AKNA: variants seen among roughly 807,000 people sequenced by gnomAD.
The protein encoded by AKNA is AT-hook transcription factor.
In AKNA, 67 loss-of-function variants were observed where a neutral mutation model predicts 138.8. That is an observed-to-expected ratio of 0.48 (90% CI 0.40 to 0.59). The LOEUF (loss-of-function observed/expected upper bound fraction) is 0.59, where lower values mean the gene tolerates loss of function less well. Ranked by LOEUF, AKNA falls within the 20% of genes least tolerant of loss-of-function variation. The pLI is 0.00. For missense variants in AKNA, 1,813 were observed against 1,880.4 expected, an observed-to-expected ratio of 0.96 and a Z score of 0.66; for synonymous variants, 737 against 754.4, an observed-to-expected ratio of 0.98 and a Z score of 0.38.
At chr9:114,343,910 C>T (rs3748179) in intron 18 of AKNA, 107 bp from the exon 19 acceptor site, 447,502 of 978,056 alleles carry the variant, frequency 0.46, 106,285 homozygotes, top group East Asian at 0.54. Flanking sequence ...TTTTAATAGT[C>T]TCTGTCTCTC....
intron 14 of AKNA, among the ~76,000 whole-genome samples, chr9:114,351,551 G>A (rs996775676): frequency 6.6e-6 from 1 of 151,932 alleles, no homozygotes; most frequent in Non-Finnish European, 1.5e-5. Flanking sequence ...GGTGGCTCAC[G>A]CCTGTAATCC....
chr9:114,340,157 T>TAG (rs1229158018), intron 21 of AKNA, among the ~76,000 whole-genome samples: 2 of 152,162 alleles, frequency 1.3e-5, no homozygotes, highest in African/African-American at 4.8e-5. Flanking sequence ...GGTCCCCGAA[T>TAG]AGAGGACCAG....
rs115679139 is a variant in AKNA at position 114,374,791 on chromosome 9, G to A, written c.1342-624C>T. ...AACTGACTCCTTCTGAAAACGGGTC[G>A]GTAACTAAGTAAGTACCATTATGGG... On this transcript the variant is annotated intron_variant, in intron 3 of 21. Transcript: ENST00000374088. Among the ~76,000 whole-genome samples the A allele has an allele frequency of 2.6e-3, 397 of 152,266 alleles. 1 individual carries two copies. Among genetic ancestry groups the A allele is most frequent in the African/African-American group, 7.0e-3 (289 of 41,544 alleles).
intron 2 of AKNA, among the ~76,000 whole-genome samples, chr9:114,380,507 CAG>C (rs1374740797): frequency 1.3e-5 from 2 of 152,172 alleles, no homozygotes; most frequent in African/African-American, 4.8e-5. Context: ...CAGTGGTTAT[CAG>C]GGGATGGAGT....
intron 14 of AKNA, among the ~76,000 whole-genome samples, chr9:114,352,664 G>A (rs986173551): frequency 4.9e-5 from 7 of 143,786 alleles, no homozygotes; most frequent in African/African-American, 1.0e-4. Context: ...GGCTCATGCC[G>A]GTAATCCCAG....
chr9:114,354,299 A>C (rs1238165061), intron 14 of AKNA, among the ~76,000 whole-genome samples: 1 of 152,158 alleles, frequency 6.6e-6, no homozygotes, highest in East Asian at 1.9e-4. Flanking sequence ...CAGGGTCATC[A>C]ATATCCCTGT....
Position 114,360,125 on chromosome 9 carries a change from T to G in AKNA, c.2125-63A>C, listed in dbSNP as rs1283779976. The G allele has an allele frequency of 1.9e-6, 3 of 1,605,384 alleles. No individual in the cohort carries two copies. The East Asian group carries it at 6.7e-5, about 36-fold the overall frequency. ...ATAGTTAAACACCACTTTTAAGCAC[T>G]TACCTCCTGCCAGGCTCGAGCTGTG... On this transcript the variant is annotated intron_variant, in intron 9 of 21. Coordinates refer to ENST00000374088, the MANE Select transcript of AKNA (RefSeq NM_001317950.2).
At chr9:114,341,948 A>C in intron 20 of AKNA, 61 bp downstream of exon 20, 1 of 1,494,124 alleles carries the variant, frequency 6.7e-7, no homozygotes, top group South Asian at 1.1e-5. Context: ...CCCAGGTCTA[A>C]TAACCCTGGT....
In AKNA at chr9:114,357,996, G is replaced by C; in HGVS notation, c.2664C>G (p.Thr888=). The C allele has an allele frequency of 6.2e-7, 1 of 1,608,194 alleles. No individual in the cohort carries two copies. The highest frequency in any genetic ancestry group is 1.1e-5 in the South Asian group (1 of 90,762). The part of the protein sequence containing the change: ...KSAASHQSSM[T]SLEGSGISER... ...CAGAGATGCCGCTTCCCTCCAGGCT[G>C]GTCATACTACTTTGGTGGGATGCTG... Residue 888 remains threonine (T), a synonymous_variant, in exon 12 of 22, where the codon ACC becomes ACG. Transcript: ENST00000374088.
rs10982172 is a variant in AKNA at position 114,339,700 on chromosome 9, C to T, written c.4067+1833G>A. Among the ~76,000 whole-genome samples, 830 of 152,302 alleles carry T rather than the reference C, an allele frequency of 5.4e-3. 23 individuals are homozygous for T. In the East Asian group the frequency reaches 0.055, roughly 10 times the overall value. ...TGGAACACTGGCAGGCGCTTTCCCC[C>T]GTGTCTGCTGGAGGTCTGAGCATGC... On this transcript the variant is annotated intron_variant, in intron 21 of 21. Transcript: ENST00000374088.
chr9:114,350,465 T>C (rs900273905), intron 15 of AKNA, among the ~76,000 whole-genome samples: 6 of 152,002 alleles, frequency 3.9e-5, no homozygotes, highest in Admixed American at 1.3e-4. Context: ...GTAGAAAAAA[T>C]GCACACGAAC....
chr9:114,368,869 ACT>A (rs1379513232), intron 4 of AKNA, among the ~76,000 whole-genome samples: 8 of 152,200 alleles, frequency 5.3e-5, no homozygotes, highest in Non-Finnish European at 1.0e-4. Context: ...TAAGTCAGTT[ACT>A]CAAAATCCCC....
downstream of AKNA, among the ~76,000 whole-genome samples, chr9:114,332,242 G>T (rs1431121442): frequency 6.8e-6 from 1 of 147,916 alleles, no homozygotes; most frequent in African/African-American, 2.5e-5. Context: ...ACCTACAGAC[G>T]CGTCCCAAAC....
At chr9:114,331,605 A>G, downstream of AKNA, 1 of 1,613,922 alleles carries the variant, frequency 6.2e-7, no homozygotes, top group Non-Finnish European at 8.5e-7. Flanking sequence ...GCTGTTCCTT[A>G]GGGACACCAA....
chr9:114,381,477 A>G, intron 1 of AKNA, 31 bp from the exon 2 acceptor site: 1 of 1,398,210 alleles, frequency 7.2e-7, no homozygotes, highest in Non-Finnish European at 9.3e-7. Context: ...AGAGAACATT[A>G]ATCAATCCTG....
chr9:114,387,138 C>G (rs1204442523), intron 1 of AKNA, among the ~76,000 whole-genome samples: 3 of 152,156 alleles, frequency 2.0e-5, no homozygotes, highest in Non-Finnish European at 4.4e-5. Flanking sequence ...GACCACCCCC[C>G]AAATCAGTAA....
At chr9:114,375,959 C>T (rs758038280) in intron 3 of AKNA, 9 of 453,974 alleles carry the variant, frequency 2.0e-5, no homozygotes, top group Non-Finnish European at 4.4e-6. Context: ...CCTACCGCAG[C>T]CAGCCTCTAC....
intron 16 of AKNA, 133 bp downstream of exon 16, chr9:114,347,591 G>C: frequency 1.1e-6 from 1 of 937,514 alleles, no homozygotes; most frequent in East Asian, 2.9e-5. Context: ...AAGCTCAACA[G>C]TGAATGAATG....
At chr9:114,359,042 G>A (rs1177443820) in intron 11 of AKNA, 1 of 153,512 alleles carries the variant, frequency 6.5e-6, no homozygotes, top group Non-Finnish European at 1.4e-5. Context: ...TAGAAGGTCA[G>A]AGACAGAAAA....
Sources: allele counts gnomAD v4.1 joint callset (sites outside exome capture counted in the v4.1 genomes callset), GRCh38; gene constraint gnomAD v4.1.1; transcripts MANE v1.5; gene names NCBI Gene and HGNC (gene_info 2026-07-23, HGNC 2026-07-21).